HECTD4: variants seen among roughly 807,000 people sequenced by gnomAD.
HECTD4 encodes the protein probable E3 ubiquitin-protein ligase HECTD4.
In HECTD4, 114 loss-of-function variants were observed where a neutral mutation model predicts 471.5. The observed-to-expected ratio is 0.24, with a 90% CI of 0.21 to 0.28. HECTD4 has a LOEUF of 0.28. HECTD4 is among the 10% of genes least tolerant of loss of function. HECTD4 has a pLI of 1.00. For missense variants in HECTD4, 3,866 were observed against 5,651.5 expected (o/e 0.68, Z 10.13); for synonymous variants, 2,012 against 2,256.0 (o/e 0.89, Z 3.07).
rs1401413190 is a variant in HECTD4, at chr12:112,281,228, GT to G, written c.1529-1843del. The stretch of plus-strand genomic sequence containing the variant: ...GTACGATGATTGCTTAAGCCCAGGA[GT>G]TTGAGACCAGCCTGGACAACATAAC... On this transcript the variant is annotated intron_variant, in intron 8 of 75. Coordinates refer to ENST00000682272, the MANE Select transcript of HECTD4 (RefSeq NM_001388303.1). Among the ~76,000 whole-genome samples, 18 of 151,770 alleles carry G rather than the reference GT, an allele frequency of 1.2e-4. No homozygotes were observed. In the East Asian group the frequency reaches 3.5e-3, roughly 30 times the overall value.
chr12:112,269,940 G>C, intron 12 of HECTD4, 91 bp from the exon 13 acceptor site: 1 of 1,122,694 alleles, frequency 8.9e-7, no homozygotes, highest in Non-Finnish European at 1.3e-6. Flanking sequence ...GATATCCTAT[G>C]AACAAATAAC....
chr12:112,198,271 G>C (rs961813429), intron 55 of HECTD4, among the ~76,000 whole-genome samples: 1 of 152,248 alleles, frequency 6.6e-6, no homozygotes, highest in Non-Finnish European at 1.5e-5. Context: ...AGAGCTTTTT[G>C]AAGAGGTGAG....
intron 1 of HECTD4, among the ~76,000 whole-genome samples, chr12:112,375,100 C>T (rs557939714): frequency 1.4e-4 from 22 of 152,258 alleles, no homozygotes; most frequent in African/African-American, 5.3e-4. Context: ...TGCCTCTATC[C>T]CCAGGTAACC....
intron 64 of HECTD4, among the ~76,000 whole-genome samples, chr12:112,177,678 C>A (rs2031504339): frequency 6.6e-6 from 1 of 152,162 alleles, no homozygotes; most frequent in Non-Finnish European, 1.5e-5. Flanking sequence ...CCGCGCCCGG[C>A]CTATGAGGCT....
In HECTD4 at chr12:112,243,553, C is replaced by T; in HGVS notation, c.4792-34G>A. 1 of 1,600,812 alleles carries T rather than the reference C, an allele frequency of 6.2e-7. No homozygotes were observed. Among genetic ancestry groups the T allele is most frequent in the Non-Finnish European group, 8.5e-7 (1 of 1,173,282 alleles). ...CACAAGGAGGGACACCTGACTCCTG[C>T]TAACTGCCGCAAGACCCCGCATGCT... On this transcript the variant is annotated intron_variant, in intron 31 of 75. Coordinates refer to ENST00000682272, the MANE Select transcript of HECTD4 (RefSeq NM_001388303.1). This position sits in a 1 kb window ranked among gnomAD's most constrained non-coding sequence, Gnocchi z 6.6.
In HECTD4 at chr12:112,170,467, G is replaced by A. The variant is rs368313423; in HGVS notation, c.11933-15C>T. The A allele has an allele frequency of 1.0e-4, 162 of 1,613,308 alleles. No homozygotes were observed. In the African/African-American group the frequency reaches 1.4e-3, roughly 14 times the overall value. ...GAAGATCAGCCCTAAGGAGAGGAAC[G>A]TGGGAGAGGCTTGGGTGGGGCTTTG... On this transcript the variant is annotated splice_polypyrimidine_tract_variant and intron_variant, in intron 68 of 75. Coordinates refer to ENST00000682272, the MANE Select transcript of HECTD4 (RefSeq NM_001388303.1).
intron 9 of HECTD4, among the ~76,000 whole-genome samples, chr12:112,276,724 G>A (rs372150462): frequency 2.0e-5 from 3 of 152,164 alleles, no homozygotes; most frequent in Non-Finnish European, 4.4e-5. Flanking sequence ...GATTACAGGC[G>A]TGAGCCACTG....
chr12:112,382,359 C>T lies in HECTD4; in HGVS notation c.-231G>A. On this transcript the variant is annotated 5_prime_UTR_variant, in exon 1 of 76. Coordinates refer to ENST00000682272, the MANE Select transcript of HECTD4 (RefSeq NM_001388303.1). ...GCCGCCGCCGCCGCCGCCGCCGCCG[C>T]CCTCAGGAGCAGGATCCGCCTCTGC... 5.2e-6 allele frequency: 2 copies of T among 388,030 alleles called. No individual in the cohort carries two copies. The highest frequency in any genetic ancestry group is 8.9e-6 in the Non-Finnish European group (2 of 225,320). 24.0% of individuals were successfully genotyped at this position (388,030 alleles called of 1,614,324 possible). A position where few individuals can be genotyped will look rare whatever the true frequency, so the allele number is the denominator to read the frequency against.
chr12:112,170,514 C>G (rs2137005887), intron 68 of HECTD4, 62 bp from the exon 69 acceptor site: 1 of 1,509,172 alleles, frequency 6.6e-7, no homozygotes, highest in Non-Finnish European at 9.0e-7. Context: ...CCAGTCCCCC[C>G]AAGACTCTCT....
At chr12:112,345,612 T>C (rs1342833049) in intron 1 of HECTD4, among the ~76,000 whole-genome samples, 1 of 152,192 alleles carries the variant, frequency 6.6e-6, no homozygotes, top group Admixed American at 6.5e-5. Context: ...CAGGTGAGTA[T>C]GTATGGCTTT....
intron 67 of HECTD4, 111 bp from the exon 68 acceptor site, chr12:112,171,374 A>T: frequency 6.7e-7 from 1 of 1,493,918 alleles, no homozygotes; most frequent in Non-Finnish European, 8.9e-7. Flanking sequence ...TGGATTTTTT[A>T]CCTGGGACCC....
chr12:112,248,822 C>T (rs747324602), intron 25 of HECTD4, among the ~76,000 whole-genome samples: 31 of 152,110 alleles, frequency 2.0e-4, no homozygotes, highest in Middle Eastern at 3.2e-3. Context: ...TGGGCTCAAG[C>T]GATTCTCCTG....
intron 17 of HECTD4, 139 bp downstream of exon 17, chr12:112,263,945 A>G: frequency 1.4e-6 from 1 of 690,326 alleles, no homozygotes; most frequent in Non-Finnish European, 2.2e-6. Context: ...AATCTATGGA[A>G]TGAGTGGCCT....
chr12:112,162,592 G>A lies in HECTD4; in HGVS notation c.13121-69C>T. ...GTGAGGCTCCCAGGGAAGCTGGGCT[G>A]GCCTCTGCTTCCAGGTTTGCCTCCT... On this transcript the variant is annotated intron_variant, in intron 75 of 75. Transcript: ENST00000682272. The surrounding 1 kb of genome is among the most constrained non-coding windows in gnomAD (Gnocchi z 5.2). 1 of 1,592,156 alleles carries A rather than the reference G, an allele frequency of 6.3e-7. No homozygotes were observed. The highest frequency in any genetic ancestry group is 8.6e-7 in the Non-Finnish European group (1 of 1,164,798).
chr12:112,204,248 C>T (rs2041711700), intron 53 of HECTD4, among the ~76,000 whole-genome samples: 2 of 152,186 alleles, frequency 1.3e-5, no homozygotes, highest in African/African-American at 4.8e-5. Flanking sequence ...CAGGCCCTAC[C>T]TCTTTTCTTG....
chr12:112,258,874 A>G (rs2034083399), intron 19 of HECTD4: 1 of 563,170 alleles, frequency 1.8e-6, no homozygotes, highest in Non-Finnish European at 3.0e-6. Flanking sequence ...GCATTTTTAT[A>G]GCTGATCAGC....
chr12:112,368,709 C>T (rs549606406), intron 1 of HECTD4, among the ~76,000 whole-genome samples: 20 of 152,212 alleles, frequency 1.3e-4, no homozygotes, highest in Non-Finnish European at 2.1e-4. Flanking sequence ...AAATTAATTT[C>T]GTTCTGGTGG....
chr12:112,266,992 CAAAA>C lies in HECTD4; in HGVS notation c.2322-14_2322-11del. On this transcript the variant is annotated splice_polypyrimidine_tract_variant and intron_variant, in intron 13 of 75. Coordinates refer to ENST00000682272, the MANE Select transcript of HECTD4 (RefSeq NM_001388303.1). ...GATATTTAAACCAGAGCTGAAATGA[CAAAA>C]AAGTCAAAAACATTTAAGCAAATGT... 1.4e-6 allele frequency: 2 copies of C among 1,413,316 alleles called. No homozygotes were observed. Among genetic ancestry groups the C allele is most frequent in the East Asian group, 5.0e-5 (2 of 40,284 alleles). 87.5% of individuals were successfully genotyped at this position (1,413,316 alleles called of 1,614,324 possible).
chr12:112,176,754 G>A (rs187813891), intron 64 of HECTD4, 52 bp from the exon 65 acceptor site: 12 of 1,273,788 alleles, frequency 9.4e-6, no homozygotes, highest in African/African-American at 5.9e-5. Flanking sequence ...ACCTCCTCCC[G>A]ATAGGAAATA....
Sources: allele counts gnomAD v4.1 joint callset (sites outside exome capture counted in the v4.1 genomes callset), GRCh38; gene constraint gnomAD v4.1.1; non-coding constraint Gnocchi (gnomAD v3.1); transcripts MANE v1.5; gene names NCBI Gene and HGNC (gene_info 2026-07-23, HGNC 2026-07-21).